AGBL1: variants seen among roughly 807,000 people sequenced by gnomAD.
The protein encoded by AGBL1 is cytosolic carboxypeptidase 4.
A neutral mutation model predicts 118.9 loss-of-function variants in AGBL1; 130 were observed. The observed-to-expected ratio is 1.09, with a 90% confidence interval of 0.95 to 1.26. The LOEUF (loss-of-function observed/expected upper bound fraction) is 1.26. Ranked by LOEUF, AGBL1 falls within the 50% of genes most tolerant of loss-of-function variation. The pLI is 0.00. For missense variants in AGBL1, 1,584 were observed against 1,298.1 expected, an observed-to-expected ratio of 1.22 and a Z score of -3.38; for synonymous variants, 555 against 478.9, an observed-to-expected ratio of 1.16 and a Z score of -2.08.
At chr15:86,351,461 T>C (rs2080625357) in intron 17 of AGBL1, among the ~76,000 whole-genome samples, 1 of 152,190 alleles carries the variant, frequency 6.6e-6, no homozygotes, top group Non-Finnish European at 1.5e-5. Context: ...GAAGCCCACA[T>C]GAAGAGAAAG....
chr15:86,937,638 G>C (rs960231487), intron 23 of AGBL1, among the ~76,000 whole-genome samples: 1 of 152,160 alleles, frequency 6.6e-6, no homozygotes, highest in Non-Finnish European at 1.5e-5. Flanking sequence ...TAGACACTGA[G>C]TTCTACTTGA....
At chr15:86,247,915 C>A (rs1205364658) in intron 7 of AGBL1, 36 bp downstream of exon 7, 2 of 1,603,488 alleles carry the variant, frequency 1.2e-6, no homozygotes, top group Non-Finnish European at 8.5e-7. Context: ...CAGCTGGAGG[C>A]CAGCTGGGTG....
chr15:86,414,335 G>A (rs931005722), intron 18 of AGBL1, among the ~76,000 whole-genome samples: 4 of 152,138 alleles, frequency 2.6e-5, no homozygotes, highest in Admixed American at 1.3e-4. Flanking sequence ...ATTAAAAAGA[G>A]AGAATGCAAA....
intron 22 of AGBL1, among the ~76,000 whole-genome samples, chr15:86,853,428 G>C (rs2079433979): frequency 6.6e-6 from 1 of 152,122 alleles, no homozygotes; most frequent in Non-Finnish European, 1.5e-5. Context: ...TTTAGTGCTA[G>C]ATCCTCACAG....
chr15:86,271,211 C>T (rs374858085), intron 14 of AGBL1, among the ~76,000 whole-genome samples: 6 of 151,692 alleles, frequency 4.0e-5, no homozygotes, highest in African/African-American at 9.7e-5. Context: ...CCACCATGCC[C>T]GGCTAATTTT....
chr15:86,541,230 G>A (rs2083490173), intron 19 of AGBL1, among the ~76,000 whole-genome samples: 1 of 152,116 alleles, frequency 6.6e-6, no homozygotes, highest in South Asian at 2.1e-4. Flanking sequence ...TGAAAGTAAG[G>A]TCCTGGGGCT....
chr15:86,471,154 G>T (rs2082473987), intron 18 of AGBL1, among the ~76,000 whole-genome samples: 1 of 152,138 alleles, frequency 6.6e-6, no homozygotes, highest in African/African-American at 2.4e-5. Flanking sequence ...AATGTTAGTT[G>T]TGGGATTGAC....
chr15:86,931,369 G>A (rs2080600765), intron 23 of AGBL1, among the ~76,000 whole-genome samples: 1 of 152,092 alleles, frequency 6.6e-6, no homozygotes, highest in Non-Finnish European at 1.5e-5. Context: ...TCAGAGTGAG[G>A]TACCTGATTC....
At chr15:86,327,567 T>C (rs990717763) in intron 17 of AGBL1, among the ~76,000 whole-genome samples, 1 of 152,196 alleles carries the variant, frequency 6.6e-6, no homozygotes, top group Non-Finnish European at 1.5e-5. Flanking sequence ...ATCTTAGGCA[T>C]ATGTGCCCAG....
chr15:86,527,239 A>G (rs1204922530), intron 19 of AGBL1, among the ~76,000 whole-genome samples: 1 of 152,220 alleles, frequency 6.6e-6, no homozygotes, highest in Non-Finnish European at 1.5e-5. Context: ...CCTATATAAT[A>G]CACATTTAAA....
intron 17 of AGBL1, among the ~76,000 whole-genome samples, chr15:86,345,506 G>A (rs1358166108): frequency 6.6e-6 from 1 of 152,212 alleles, no homozygotes; most frequent in Non-Finnish European, 1.5e-5. Context: ...AATAGTAAAT[G>A]TTCAAAGAAG....
chr15:86,201,773 C>T (rs1270398704), intron 5 of AGBL1, among the ~76,000 whole-genome samples: 7 of 152,136 alleles, frequency 4.6e-5, no homozygotes, highest in African/African-American at 1.4e-4. Flanking sequence ...TGACAAAAAT[C>T]ATTTATGTGG....
Position 86,264,802 on chromosome 15 carries a change from C to T in AGBL1, c.1631C>T (p.Thr544Ile), listed in dbSNP as rs2079047824. 6.2e-7 allele frequency: 1 copy of T among 1,613,112 alleles called. No homozygotes were observed. The highest frequency in any genetic ancestry group is 8.5e-7 in the Non-Finnish European group (1 of 1,179,526). The change falls in exon 11 of 23, where the codon ACC becomes ATC. Residue 544 changes from threonine to isoleucine, a missense_variant. By Grantham distance (89) the Thr-to-Ile change is moderately conservative. Coordinates refer to ENST00000614907, the MANE Select transcript of AGBL1 (RefSeq NM_001386094.1). The stretch of plus-strand genomic sequence containing the variant: ...TGGGGACACTGTCCCCCTCCCACCA[C>T]CCAGCCTATGTTGGAACGAAAATGT... ...DVWGHCPPPT[T>I]QPMLERKCGV...
Position 86,142,017 on chromosome 15 carries a change from A to T in AGBL1, c.65A>T (p.Lys22Met). The part of the protein sequence containing the change: ...LLHTLQSSSD[K>M]ESILTILKVL... ...TTCTCATTGCAGAGCTCCTCTGACAAGGAGTCCATCCTGACCATCCTCAAG... is the reference window on the plus strand; with the variant it reads ...TTCTCATTGCAGAGCTCCTCTGACATGGAGTCCATCCTGACCATCCTCAAG... Residue 22 changes from lysine to methionine, a missense_variant, in exon 2 of 23, where the codon AAG (lysine) becomes ATG (methionine). Coordinates refer to ENST00000614907, the MANE Select transcript of AGBL1 (RefSeq NM_001386094.1). 6 of 1,550,154 alleles carry T rather than the reference A, an allele frequency of 3.9e-6. No individual in the cohort carries two copies. The highest frequency in any genetic ancestry group is 5.2e-6 in the Non-Finnish European group (6 of 1,146,774).
At chr15:86,987,405 T>C (rs982275827) in intron 23 of AGBL1, among the ~76,000 whole-genome samples, 2 of 152,224 alleles carry the variant, frequency 1.3e-5, no homozygotes, top group Admixed American at 1.3e-4. Flanking sequence ...TTTAGGTAGA[T>C]GTTTTAGAAT....
chr15:86,844,207 C>A (rs907106518), intron 22 of AGBL1, among the ~76,000 whole-genome samples: 28 of 152,250 alleles, frequency 1.8e-4, no homozygotes, highest in African/African-American at 6.7e-4. Context: ...ACATACTAAT[C>A]ATTGTGTGGA....
chr15:86,321,721 T>G (rs12441422), intron 17 of AGBL1, among the ~76,000 whole-genome samples: 76,916 of 151,394 alleles, frequency 0.51, 19,803 homozygotes, highest in Middle Eastern at 0.61. Flanking sequence ...AGCCTGCAGT[T>G]AGCTAAAAGT....
rs374839349 is a variant in AGBL1 at position 86,482,610 on chromosome 15, G to A, written c.2556-40200G>A. On this transcript the variant is annotated intron_variant, in intron 18 of 22. Transcript: ENST00000614907. ...CATGTTTTATATTAAGAAGCAGTGTGAAGACCGTCTACTTGAATTAATCTC... is the reference window on the plus strand; with the variant it reads ...CATGTTTTATATTAAGAAGCAGTGTAAAGACCGTCTACTTGAATTAATCTC... 1.1e-4 allele frequency among the ~76,000 whole-genome samples: 16 copies of A among 152,208 alleles called. No homozygotes were observed. The East Asian group carries it at 2.7e-3, about 26-fold the overall frequency.
At chr15:86,988,088 C>G in exon 24 of AGBL1, 3 of 1,613,292 alleles carry the variant, frequency 1.9e-6, no homozygotes, top group Admixed American at 1.7e-5. Context: ...CATGTCTCCC[C>G]GTGAGTATGT....
Sources: gnomAD v4.1 joint callset for allele counts (sites outside exome capture counted in the v4.1 genomes callset) on GRCh38, gnomAD v4.1.1 for gene constraint, MANE v1.5 for transcripts, NCBI Gene and HGNC (gene_info 2026-07-23, HGNC 2026-07-21) for gene names.